The following TNNT3 variants were observed in gnomAD, a reference collection of about 807,000 sequenced individuals.
TNNT3 encodes troponin T3, fast skeletal type.
Under a neutral mutation model 54.2 loss-of-function variants are expected in TNNT3, and 36 were observed. The observed-to-expected ratio is 0.66, with a 90% CI of 0.51 to 0.88. TNNT3 has a LOEUF of 0.88. Among genes scored for constraint, TNNT3 ranks in the 40% least tolerant of loss-of-function variants. The pLI, the probability that TNNT3 is intolerant of heterozygous loss-of-function variation, is 0.00. For synonymous variants in TNNT3, 120 were observed against 109.7 expected, an observed-to-expected ratio of 1.09 and a Z score of -0.59; for missense variants, 291 against 331.6, an observed-to-expected ratio of 0.88 and a Z score of 0.95.
chr11:1,930,786 A>C (rs1853147196), intron 8 of TNNT3, among the ~76,000 whole-genome samples: 1 of 152,202 alleles, frequency 6.6e-6, no homozygotes, highest in Admixed American at 6.5e-5. Context: ...TTTTAAGTAC[A>C]GTAATGCTGG....
chr11:1,931,495 G>A (rs1000836466), intron 8 of TNNT3, among the ~76,000 whole-genome samples: 1 of 152,148 alleles, frequency 6.6e-6, no homozygotes, highest in Non-Finnish European at 1.5e-5. Flanking sequence ...GGCACCTCAT[G>A]ATTCTTTGGC....
chr11:1,929,069 C>T (rs751842408), intron 6 of TNNT3, 51 bp from the exon 7 acceptor site: 22 of 1,610,318 alleles, frequency 1.4e-5, no homozygotes, highest in South Asian at 3.3e-5. Flanking sequence ...CCCCCGCAGC[C>T]GCACTGGCTT....
In TNNT3 at chr11:1,922,107, G is replaced by C. The variant is rs78537234; in HGVS notation, c.-18-750G>C. 5.9e-5 allele frequency among the ~76,000 whole-genome samples: 9 copies of C among 152,326 alleles called. No homozygotes were observed. The South Asian group carries it at 1.0e-3, about 18-fold the overall frequency. Reference sequence around the variant, plus strand: ...ATGCCTTGTACAGAGCCCGGCCCGGGGGGGTGCACGGGAAGCGGCCCAGAC... The same window carrying C: ...ATGCCTTGTACAGAGCCCGGCCCGGCGGGGTGCACGGGAAGCGGCCCAGAC... On this transcript the variant is annotated intron_variant, in intron 1 of 15. Coordinates refer to ENST00000278317, the MANE Select transcript of TNNT3 (RefSeq NM_006757.4).
chr11:1,926,936 G>A (rs576918079), intron 6 of TNNT3, among the ~76,000 whole-genome samples: 3 of 152,318 alleles, frequency 2.0e-5, no homozygotes, highest in Admixed American at 6.5e-5. Flanking sequence ...TCCATAGCCT[G>A]GGGACAATGA....
intron 14 of TNNT3, chr11:1,936,087 A>G (rs1854927905): frequency 4.0e-6 from 4 of 998,606 alleles, no homozygotes; most frequent in Non-Finnish European, 6.2e-6. Context: ...CTTTGGATAG[A>G]TGCGGCCACA....
At chr11:1,937,787 G>T (rs1383412411) in intron 15 of TNNT3, among the ~76,000 whole-genome samples, 1 of 152,220 alleles carries the variant, frequency 6.6e-6, no homozygotes, top group African/African-American at 2.4e-5. Context: ...GCCGTCAGGG[G>T]TCATTGCAGA....
intron 6 of TNNT3, chr11:1,928,866 C>T (rs1281594259): frequency 3.4e-6 from 2 of 596,056 alleles, no homozygotes; most frequent in Non-Finnish European, 6.1e-6. Flanking sequence ...CCCCGTGTCC[C>T]TCCTATTCTC....
At chr11:1,937,834 T>A (rs1855587940) in intron 15 of TNNT3, among the ~76,000 whole-genome samples, 1 of 152,186 alleles carries the variant, frequency 6.6e-6, no homozygotes, top group South Asian at 2.1e-4. Context: ...GGTGTGCATG[T>A]GCCTGCGTGT....
intron 7 of TNNT3, 135 bp downstream of exon 7, chr11:1,929,278 G>T: frequency 6.0e-6 from 7 of 1,166,846 alleles, no homozygotes; most frequent in South Asian, 1.2e-5. Flanking sequence ...TGGCACGGGG[G>T]CCTCGGAGGG....
intron 6 of TNNT3, among the ~76,000 whole-genome samples, chr11:1,928,792 G>A (rs887991515): frequency 2.6e-5 from 4 of 151,988 alleles, no homozygotes; most frequent in African/African-American, 9.7e-5. Context: ...CCAGACCCAA[G>A]AGGACAGACC....
At chr11:1,936,364 GC>G in intron 14 of TNNT3, 1 of 1,243,836 alleles carries the variant, frequency 8.0e-7, no homozygotes, top group Non-Finnish European at 1.2e-6. Context: ...GCGGCAGGGG[GC>G]CTGGAGCCTT....
chr11:1,936,160 G>A, intron 14 of TNNT3: 3 of 1,608,330 alleles, frequency 1.9e-6, no homozygotes, highest in Non-Finnish European at 1.7e-6. Flanking sequence ...CCCACAGCCG[G>A]GCCTCGATGC....
intron 1 of TNNT3, among the ~76,000 whole-genome samples, chr11:1,920,457 G>A (rs1412830785): frequency 6.6e-6 from 1 of 152,080 alleles, no homozygotes; most frequent in Non-Finnish European, 1.5e-5. Flanking sequence ...AGAAGCTGGC[G>A]CTCGTAAGAG....
intron 1 of TNNT3, chr11:1,921,421 G>C (rs1589867447): frequency 6.6e-6 from 1 of 152,606 alleles, no homozygotes. Context: ...AGGACAGCAC[G>C]AGGGGCTGGT....
At chr11:1,934,979 C>A in intron 14 of TNNT3, 60 bp downstream of exon 14, 1 of 1,514,586 alleles carries the variant, frequency 6.6e-7, no homozygotes, top group Non-Finnish European at 9.2e-7. Flanking sequence ...AGCAGAGCAG[C>A]CATCTCCCTG....
chr11:1,934,701 G>T (rs752258055), intron 13 of TNNT3, 46 bp downstream of exon 13: 1 of 1,605,230 alleles, frequency 6.2e-7, no homozygotes. Flanking sequence ...GGTGGCCCCT[G>T]CAGGAGCTGC....
chr11:1,930,425 G>C (rs1207949361), intron 8 of TNNT3, among the ~76,000 whole-genome samples: 3 of 152,170 alleles, frequency 2.0e-5, no homozygotes, highest in Non-Finnish European at 4.4e-5. Context: ...GTCCAGAAGA[G>C]CTCACTGTGC....
chr11:1,926,180 A>G (rs969451168), intron 5 of TNNT3, among the ~76,000 whole-genome samples: 6 of 152,166 alleles, frequency 3.9e-5, no homozygotes, highest in Non-Finnish European at 8.8e-5. Flanking sequence ...GCCCAGCCCC[A>G]GTACTGAGCC....
intron 9 of TNNT3, among the ~76,000 whole-genome samples, 164 bp downstream of exon 9, chr11:1,932,678 T>C (rs747021517): frequency 1.3e-5 from 2 of 152,094 alleles, no homozygotes; most frequent in Admixed American, 6.6e-5. Context: ...GAAACCCCTC[T>C]AAGAATAAGC....
Sources: allele counts gnomAD v4.1 joint callset (sites outside exome capture counted in the v4.1 genomes callset), GRCh38; gene constraint gnomAD v4.1.1; transcripts MANE v1.5; gene names NCBI Gene and HGNC (gene_info 2026-07-23, HGNC 2026-07-21).